Variants in TMPRSS7 observed in about 807,000 individuals in gnomAD.
The protein encoded by TMPRSS7 is transmembrane protease serine 7.
A neutral mutation model predicts 95.6 loss-of-function variants in TMPRSS7; 81 were observed. The observed-to-expected ratio is 0.85, with a 90% CI of 0.71 to 1.02. The LOEUF (loss-of-function observed/expected upper bound fraction) is 1.02, where lower values mean the gene tolerates loss of function less well. TMPRSS7 is among the 50% of genes least tolerant of loss of function. The probability of loss-of-function intolerance (pLI) is 0.00; values close to 1 mark genes in which losing one functional copy is unlikely to be tolerated. For missense variants in TMPRSS7, 945 were observed against 955.2 expected (o/e 0.99, Z 0.14); for synonymous variants, 364 against 337.8 (o/e 1.08, Z -0.85).
chr3:112,041,947 A>G (rs1406932634), exon 3 of TMPRSS7: 1 of 1,550,588 alleles, frequency 6.4e-7, no homozygotes, highest in East Asian at 2.4e-5. Flanking sequence ...GATGCTTTTT[A>G]CTTTGCTGGG....
Position 112,047,020 on chromosome 3 carries a change from C to T in TMPRSS7, c.730+8C>T. On this transcript the variant is annotated splice_region_variant and intron_variant, in intron 6 of 17. Transcript: ENST00000452346. ...CGTCAACCATAGGATCTGGTAAATT[C>T]TTTCATGTGGTTCCCCCTCCCCCCA... 1.4e-6 allele frequency: 1 copy of T among 702,448 alleles called. No individual in the cohort carries two copies. The highest frequency in any genetic ancestry group is 2.6e-6 in the Non-Finnish European group (1 of 384,792). The allele number at this position is 702,448 out of a possible 1,614,324, so 43.5% of individuals were successfully genotyped here. A position where few individuals can be genotyped will look rare whatever the true frequency, so the allele number is the denominator to read the frequency against.
intron 1 of TMPRSS7, among the ~76,000 whole-genome samples, chr3:112,037,474 A>G (rs2073157918): frequency 6.6e-6 from 1 of 152,222 alleles, no homozygotes; most frequent in Admixed American, 6.5e-5. Context: ...ATGTTTATCA[A>G]TGACAATGTG....
Position 112,045,767 on chromosome 3 carries a change from G to C in TMPRSS7, c.515G>C (p.Gly172Ala). The change falls in exon 5 of 18, where the codon GGC becomes GCC. Residue 172 changes from glycine to alanine, a missense_variant. By Grantham distance (60) the Gly-to-Ala change is moderately conservative (BLOSUM62 0). Coordinates refer to ENST00000452346, the Ensembl canonical transcript of TMPRSS7. ...CGTTATAGCAGCAACAACAAAGGCG[G>C]CCTCCTTGTCCACTTTTGGATTGTT... is the stretch of plus-strand genomic sequence containing the variant. 2 of 1,550,568 alleles carry C rather than the reference G, an allele frequency of 1.3e-6. No individual in the cohort carries two copies. The highest frequency in any genetic ancestry group is 1.7e-6 in the Non-Finnish European group (2 of 1,146,420).
In TMPRSS7 at chr3:112,057,150, T is replaced by G. The variant is rs1333179177; in HGVS notation, c.1310+19T>G. 6.5e-7 allele frequency: 1 copy of G among 1,539,520 alleles called. No individual in the cohort carries two copies. The highest frequency in any genetic ancestry group is 9.0e-7 in the Non-Finnish European group (1 of 1,115,300). On this transcript the variant is annotated intron_variant, in intron 10 of 17. Transcript: ENST00000452346. Reference sequence around the variant, plus strand: ...AGCACATGTAAGTGATTTTCATATGTTTTCATATGTGAGGCATCTGATGAA... The same window carrying G: ...AGCACATGTAAGTGATTTTCATATGGTTTCATATGTGAGGCATCTGATGAA...
In TMPRSS7 at chr3:112,065,575, A is replaced by AT. The variant is rs1256768462; in HGVS notation, c.1556-811dup. Among the ~76,000 whole-genome samples the AT allele has an allele frequency of 3.3e-5, 5 of 152,250 alleles. No individual in the cohort carries two copies. In the South Asian group the frequency reaches 6.2e-4, roughly 19 times the overall value. ...GGTAATCATTATTCCTCATTGTGCCATTTTTTGGAGCTATTCTCTAAGAGT... is the reference window on the plus strand; with the variant it reads ...GGTAATCATTATTCCTCATTGTGCCATTTTTTTGGAGCTATTCTCTAAGAGT... On this transcript the variant is annotated intron_variant, in intron 12 of 17. Coordinates refer to ENST00000452346, the Ensembl canonical transcript of TMPRSS7.
intron 12 of TMPRSS7, 54 bp from the exon 13 acceptor site, chr3:112,066,338 A>C: frequency 1.3e-6 from 2 of 1,507,964 alleles, no homozygotes; most frequent in South Asian, 2.3e-5. Flanking sequence ...ATCATCAGAG[A>C]ACCCAGCTGG....
chr3:112,061,271 T>C lies in TMPRSS7; in HGVS notation c.1311-516T>C, dbSNP rs149365994. Reference sequence around the variant, plus strand: ...AAAAAATAATCAAGGTAGGGAAATATTGGAGACGGACATTAATTCTTTGAA... The same window carrying C: ...AAAAAATAATCAAGGTAGGGAAATACTGGAGACGGACATTAATTCTTTGAA... On this transcript the variant is annotated intron_variant, in intron 10 of 17. Coordinates refer to ENST00000452346, the Ensembl canonical transcript of TMPRSS7. 8.5e-4 allele frequency among the ~76,000 whole-genome samples: 130 copies of C among 152,286 alleles called. 2 individuals are homozygous for C. The highest frequency in any genetic ancestry group is 2.9e-3 in the African/African-American group (122 of 41,560).
At chr3:112,051,668 C>CATCTATCTATCTATCATCT (rs1553763343) in intron 9 of TMPRSS7, among the ~76,000 whole-genome samples, 3 of 128,076 alleles carry the variant, frequency 2.3e-5, no homozygotes, top group African/African-American at 9.1e-5. Flanking sequence ...ATCTATCTAT[C>CATCTATCTATCTATCATCT]ATCTATCTAT....
chr3:112,065,632 A>G (rs1176649725), intron 12 of TMPRSS7, among the ~76,000 whole-genome samples: 1 of 152,184 alleles, frequency 6.6e-6, no homozygotes, highest in Non-Finnish European at 1.5e-5. Context: ...CTAATGAACA[A>G]TTTTAGGGCA....
At chr3:112,057,390 G>T (rs948278138) in intron 10 of TMPRSS7, among the ~76,000 whole-genome samples, 1 of 152,192 alleles carries the variant, frequency 6.6e-6, no homozygotes, top group African/African-American at 2.4e-5. Flanking sequence ...CTTCACAAGA[G>T]TATTTGGCAG....
chr3:112,057,984 C>T (rs1367146495), intron 10 of TMPRSS7, among the ~76,000 whole-genome samples: 1 of 152,146 alleles, frequency 6.6e-6, no homozygotes. Context: ...CCTAAGCCTC[C>T]CAAAGTTCCA....
intron 14 of TMPRSS7, among the ~76,000 whole-genome samples, chr3:112,074,820 AGTCATGTGGCTACTACTTG>A (rs1193034796): frequency 6.6e-6 from 1 of 152,206 alleles, no homozygotes; most frequent in Admixed American, 6.5e-5. Context: ...TGCTCCTATT[AGTCATGTGGCTACTACTTG>A]GCCATGTGGC....
intron 10 of TMPRSS7, among the ~76,000 whole-genome samples, chr3:112,060,295 A>G (rs1443162100): frequency 6.6e-6 from 1 of 152,304 alleles, no homozygotes; most frequent in African/African-American, 2.4e-5. Context: ...ATTGTCATTG[A>G]TAACATCTTA....
intron 11 of TMPRSS7, 58 bp downstream of exon 11, chr3:112,061,981 T>TGAGG: frequency 7.3e-7 from 1 of 1,371,824 alleles, no homozygotes. Flanking sequence ...GATAACATTT[T>TGAGG]ATAATTCCAA....
chr3:112,051,625 CATCT>C (rs10546402), intron 9 of TMPRSS7, among the ~76,000 whole-genome samples: 2,702 of 142,518 alleles, frequency 0.019, 82 homozygotes, highest in African/African-American at 0.056. Flanking sequence ...CTATCTCTAT[CATCT>C]ATCTATCTAT....
chr3:112,074,265 G>C, intron 13 of TMPRSS7, 31 bp from the exon 14 acceptor site: 1 of 1,505,358 alleles, frequency 6.6e-7, no homozygotes, highest in Non-Finnish European at 9.2e-7. Flanking sequence ...TCTGGCTAAG[G>C]AAAGCTGTTT....
Position 112,061,927 on chromosome 3 carries a change from A to G in TMPRSS7, c.1447+4A>G. The G allele has an allele frequency of 6.2e-7, 1 of 1,600,192 alleles. No individual in the cohort carries two copies. On this transcript the variant is annotated splice_donor_region_variant and intron_variant, in intron 11 of 17. Coordinates refer to ENST00000452346, the Ensembl canonical transcript of TMPRSS7. ...GGCAGTTACAACATCAGTCAACGTA[A>G]GCCTAGGATCACCTCCTTAGGAAAA...
Position 112,050,523 on chromosome 3 carries a change from A to AAAAAAAAAAAAAAC in TMPRSS7, c.1091-135_1091-134insCAAAAAAAAAAAAA, listed in dbSNP as rs1491291138. ...TGTAGGGTGGCATTCCTTTCTTCTGAAAAAAAAAAAAAAAACCCAAAGTTT... is the reference window on the plus strand; with the variant it reads ...TGTAGGGTGGCATTCCTTTCTTCTGAAAAAAAAAAAAAACAAAAAAAAAAAAAAACCCAAAGTTT... On this transcript the variant is annotated intron_variant, in intron 8 of 17. Coordinates refer to ENST00000452346, the Ensembl canonical transcript of TMPRSS7. 11 of 178,630 alleles carry AAAAAAAAAAAAAAC rather than the reference A, an allele frequency of 6.2e-5. No individual in the cohort carries two copies. In the African/African-American group the frequency reaches 7.4e-4, roughly 12 times the overall value. The allele number at this position is 178,630 out of a possible 1,614,324, so 11.1% of individuals were successfully genotyped here. A position where few individuals can be genotyped will look rare whatever the true frequency, so the allele number is the denominator to read the frequency against.
In TMPRSS7 at chr3:112,066,548, T is replaced by A. The variant is rs114793577; in HGVS notation, c.1666+46T>A. On this transcript the variant is annotated intron_variant, in intron 13 of 17. Coordinates refer to ENST00000452346, the Ensembl canonical transcript of TMPRSS7. ...CCCTGCTGTTCCTCCTATGAAACTC[T>A]TCTAAATCAGGACAAAAATACCTCT... 4 of 1,567,756 alleles carry A rather than the reference T, an allele frequency of 2.6e-6. No individual in the cohort carries two copies. The African/African-American group carries it at 5.4e-5, about 21-fold the overall frequency.
Sources: gnomAD v4.1 joint callset for allele counts (sites outside exome capture counted in the v4.1 genomes callset) on GRCh38, gnomAD v4.1.1 for gene constraint, MANE v1.5 for transcripts, NCBI Gene and HGNC (gene_info 2026-07-23, HGNC 2026-07-21) for gene names.